The following CACNA2D3 variants were observed in gnomAD, a reference collection of about 807,000 sequenced individuals.
CACNA2D3 encodes calcium voltage-gated channel auxiliary subunit alpha2delta 3.
Under a neutral mutation model 160.6 loss-of-function variants are expected in CACNA2D3, and 60 were observed. That is an observed-to-expected ratio of 0.37 (90% CI 0.30 to 0.46). The LOEUF (loss-of-function observed/expected upper bound fraction) is 0.46, where lower values mean the gene tolerates loss of function less well. CACNA2D3 is among the 20% of genes least tolerant of loss of function. The probability of loss-of-function intolerance (pLI) is 1.00; values close to 1 mark genes in which losing one functional copy is unlikely to be tolerated. For missense variants in CACNA2D3, 1,205 were observed against 1,365.0 expected, an observed-to-expected ratio of 0.88 and a Z score of 1.85; for synonymous variants, 558 against 492.9, an observed-to-expected ratio of 1.13 and a Z score of -1.75.
chr3:54,138,118 G>C (rs945872450), intron 2 of CACNA2D3, among the ~76,000 whole-genome samples: 1 of 152,212 alleles, frequency 6.6e-6, no homozygotes, highest in Non-Finnish European at 1.5e-5. Flanking sequence ...GTTCATGGAG[G>C]TGATGTGACT....
chr3:54,150,210 C>T (rs185992431), intron 2 of CACNA2D3, among the ~76,000 whole-genome samples: 2 of 152,080 alleles, frequency 1.3e-5, no homozygotes, highest in African/African-American at 4.8e-5. Context: ...CCTAGAACTC[C>T]AGTTTTAGGA....
chr3:54,849,472 TTTAC>T (rs1699009200), intron 17 of CACNA2D3, among the ~76,000 whole-genome samples: 1 of 152,172 alleles, frequency 6.6e-6, no homozygotes, highest in South Asian at 2.1e-4. Context: ...CAGTTTCATT[TTTAC>T]TTACTTTAGG....
At chr3:54,412,887 GTTTTGCTTTTGA>G (rs149883609) in intron 4 of CACNA2D3, among the ~76,000 whole-genome samples, 15,399 of 151,016 alleles carry the variant, frequency 0.1, 911 homozygotes, top group East Asian at 0.18. Flanking sequence ...TAACATTTTT[GTTTTGCTTTTGA>G]TTTTGCTTTA....
chr3:54,804,644 A>G (rs1424190390), intron 13 of CACNA2D3, among the ~76,000 whole-genome samples: 5 of 152,198 alleles, frequency 3.3e-5, no homozygotes, highest in African/African-American at 4.8e-5. Context: ...CAGATCAACG[A>G]GACAGAAAGT....
At chr3:54,881,520 C>T (rs1699796090) in intron 21 of CACNA2D3, among the ~76,000 whole-genome samples, 1 of 152,202 alleles carries the variant, frequency 6.6e-6, no homozygotes, top group African/African-American at 2.4e-5. Flanking sequence ...ATTGCTGTCA[C>T]ATGTGCTATC....
At chr3:54,380,879 G>A (rs1390083315) in intron 3 of CACNA2D3, among the ~76,000 whole-genome samples, 1 of 152,098 alleles carries the variant, frequency 6.6e-6, no homozygotes, top group Non-Finnish European at 1.5e-5. Context: ...TTGATTCAAA[G>A]GAAAAGTCAT....
At chr3:54,999,696 G>T (rs368792468) in intron 31 of CACNA2D3, among the ~76,000 whole-genome samples, 32 of 152,282 alleles carry the variant, frequency 2.1e-4, no homozygotes, top group African/African-American at 7.5e-4. Flanking sequence ...GAGCCCCACA[G>T]TTGCTAACCA....
chr3:54,346,612 C>T (rs909994778), intron 3 of CACNA2D3, among the ~76,000 whole-genome samples: 2 of 152,140 alleles, frequency 1.3e-5, no homozygotes, highest in African/African-American at 2.4e-5. Context: ...TTCCTGCCCC[C>T]TCCAGTTTCT....
At chr3:54,729,517 T>G (rs1428907499) in intron 11 of CACNA2D3, among the ~76,000 whole-genome samples, 1 of 152,246 alleles carries the variant, frequency 6.6e-6, no homozygotes, top group Non-Finnish European at 1.5e-5. Context: ...TCTCACTGAT[T>G]GTGCACAGTC....
chr3:54,203,570 A>G (rs879184818), intron 2 of CACNA2D3, among the ~76,000 whole-genome samples: 1 of 152,126 alleles, frequency 6.6e-6, no homozygotes, highest in Non-Finnish European at 1.5e-5. Flanking sequence ...AATGAGGGCA[A>G]AGTTTTATTG....
chr3:54,169,433 G>T (rs1700518642), intron 2 of CACNA2D3, among the ~76,000 whole-genome samples: 1 of 152,094 alleles, frequency 6.6e-6, no homozygotes, highest in Non-Finnish European at 1.5e-5. Context: ...GTTACATTTT[G>T]CTCAGTGGAC....
intron 4 of CACNA2D3, among the ~76,000 whole-genome samples, chr3:54,414,939 A>G (rs1474139644): frequency 2.0e-5 from 3 of 151,960 alleles, no homozygotes; most frequent in Admixed American, 2.0e-4. Context: ...TTTATTAAAT[A>G]TTTCAATGAA....
At chr3:55,038,864 CTATATATATA>C (rs10576329) in intron 35 of CACNA2D3, among the ~76,000 whole-genome samples, 14,445 of 98,920 alleles carry the variant, frequency 0.15, 1,211 homozygotes, top group Middle Eastern at 0.21. Flanking sequence ...AGCCAGGATG[CTATATATATA>C]TATATATATA....
chr3:54,877,825 C>T (rs1305878513), intron 18 of CACNA2D3, among the ~76,000 whole-genome samples: 2 of 151,996 alleles, frequency 1.3e-5, no homozygotes, highest in Non-Finnish European at 2.9e-5. Context: ...TCCCAAATGG[C>T]TTTAGGCAGG....
chr3:54,455,457 G>T (rs1559485558), intron 4 of CACNA2D3, among the ~76,000 whole-genome samples: 1 of 151,918 alleles, frequency 6.6e-6, no homozygotes, highest in Non-Finnish European at 1.5e-5. Flanking sequence ...TGTTGTATGA[G>T]TTTTTTGTAT....
At chr3:54,670,162 C>T (rs1206436559) in intron 11 of CACNA2D3, among the ~76,000 whole-genome samples, 2 of 152,134 alleles carry the variant, frequency 1.3e-5, no homozygotes, top group Admixed American at 6.5e-5. Context: ...CATGCCCATA[C>T]GTTTTCTGTC....
At chr3:55,062,116 AT>A (rs1325031615) in intron 35 of CACNA2D3, among the ~76,000 whole-genome samples, 1 of 151,942 alleles carries the variant, frequency 6.6e-6, no homozygotes, top group African/African-American at 2.4e-5. Flanking sequence ...TTTATCTTTC[AT>A]TTTTTGTTTG....
intron 3 of CACNA2D3, among the ~76,000 whole-genome samples, chr3:54,354,421 T>A (rs1029188524): frequency 1.8e-4 from 28 of 152,260 alleles, no homozygotes; most frequent in Admixed American, 5.9e-4. Context: ...AGGATTTTTT[T>A]AAGGTCTAAA....
intron 13 of CACNA2D3, among the ~76,000 whole-genome samples, chr3:54,770,237 A>G (rs752410715): frequency 6.6e-6 from 1 of 152,214 alleles, no homozygotes; most frequent in Non-Finnish European, 1.5e-5. Flanking sequence ...TGGTATTTAC[A>G]TTTACAAAAT....
Sources: gnomAD v4.1 joint callset for allele counts (sites outside exome capture counted in the v4.1 genomes callset) on GRCh38, gnomAD v4.1.1 for gene constraint, MANE v1.5 for transcripts, NCBI Gene and HGNC (gene_info 2026-07-23, HGNC 2026-07-21) for gene names.